ZNF217: variants seen among roughly 807,000 people sequenced by gnomAD.
ZNF217 encodes zinc finger protein 217.
ZNF217 carries 12 observed loss-of-function variants against 73.3 expected under a neutral mutation model. The observed-to-expected ratio is 0.16, with a 90% CI of 0.10 to 0.27. ZNF217 has a LOEUF of 0.27. Among genes scored for constraint, ZNF217 ranks in the 10% least tolerant of loss-of-function variants. The probability of loss-of-function intolerance (pLI) is 1.00; values close to 1 mark genes in which losing one functional copy is unlikely to be tolerated. For synonymous variants in ZNF217, 588 were observed against 516.4 expected (o/e 1.14, Z -1.88); for missense variants, 1,195 against 1,327.8 (o/e 0.90, Z 1.55).
At chr20:53,585,922 A>T (rs909671434) in intron 1 of ZNF217, among the ~76,000 whole-genome samples, 11 of 152,092 alleles carry the variant, frequency 7.2e-5, no homozygotes, top group African/African-American at 2.7e-4. Flanking sequence ...AGCTTCTGAG[A>T]CTGACTCTAA....
At chr20:53,588,260 A>G (rs559603663) in intron 1 of ZNF217, among the ~76,000 whole-genome samples, 2 of 152,270 alleles carry the variant, frequency 1.3e-5, no homozygotes, top group East Asian at 1.9e-4. Context: ...GTAAGAACTT[A>G]AAGTATAACA....
At chr20:53,573,128 T>C (rs1988088732) in intron 4 of ZNF217, among the ~76,000 whole-genome samples, 1 of 146,550 alleles carries the variant, frequency 6.8e-6, no homozygotes, top group South Asian at 2.1e-4. Flanking sequence ...TAGTACTATT[T>C]TTTTTTTTTT....
At chr20:53,596,872 C>T (rs954859853), upstream of ZNF217, among the ~76,000 whole-genome samples, 4 of 151,966 alleles carry the variant, frequency 2.6e-5, no homozygotes, top group Non-Finnish European at 5.9e-5. Flanking sequence ...CCCACTTCAC[C>T]TTCTTTCAAT....
rs749993388 is a variant in ZNF217 at position 53,581,904 on chromosome 20, G to A, written c.923C>T (p.Ala308Val). The change falls in exon 2 of 6, where the codon GCC becomes GTC. Residue 308 changes from alanine to valine, a missense_variant. Ala to Val is a moderately conservative substitution (Grantham distance 64). Coordinates refer to ENST00000371471, the MANE Select transcript of ZNF217 (RefSeq NM_006526.3). This position sits in a 1 kb window ranked among gnomAD's most constrained non-coding sequence, Gnocchi z 4.9. ...CGATTCCTTCACTTCTTGGCAAATGGCAACTTTTCCTTTGGTAGCCAGCTG... is the reference window on the plus strand; with the variant it reads ...CGATTCCTTCACTTCTTGGCAAATGACAACTTTTCCTTTGGTAGCCAGCTG... ...AWQLATKGKVAICQEVKESGQ... is the reference protein window; with the variant it reads ...AWQLATKGKVVICQEVKESGQ... 1.2e-6 allele frequency: 2 copies of A among 1,614,236 alleles called. No individual in the cohort carries two copies. Among genetic ancestry groups the A allele is most frequent in the Non-Finnish European group, 1.7e-6 (2 of 1,180,032 alleles).
Position 53,577,121 on chromosome 20 carries a change from G to A in ZNF217, c.1643C>T (p.Thr548Ile), listed in dbSNP as rs35720349. Reference protein sequence around the residue: ...KNQDTEDALLTADSAQTKNLK... With the variant: ...KNQDTEDALLIADSAQTKNLK... The stretch of plus-strand genomic sequence containing the variant: ...ATTTTTGGTTTGCGCACTGTCAGCG[G>A]TTAATAGTGCATCTTCAGTGTCCTG... Residue 548 changes from threonine to isoleucine, a missense_variant, in exon 4 of 6, where the codon ACC (threonine) becomes ATC (isoleucine). This residue lies in a region of ZNF217 where 649 missense variants were observed against 642.8 expected (regional missense o/e 1.01). Transcript: ENST00000371471. 25,075 of 1,614,184 alleles carry A rather than the reference G, an allele frequency of 0.016. 922 individuals carry two copies. The highest frequency in any genetic ancestry group is 0.13 in the East Asian group (6,052 of 44,888).
chr20:53,576,346 T>C lies in ZNF217; in HGVS notation c.2418A>G (p.Ser806=). 2 of 1,614,198 alleles carry C rather than the reference T, an allele frequency of 1.2e-6. No individual in the cohort carries two copies. Among genetic ancestry groups the C allele is most frequent in the South Asian group, 2.2e-5 (2 of 91,090 alleles). ...PPGPGKAPLT[S]GIDSSTLAPS... ...GGGCTAAAGTGCTAGAGTCTATCCCTGAAGTCAGAGGGGCCTTGCCTGGCC... is the reference window on the plus strand; with the variant it reads ...GGGCTAAAGTGCTAGAGTCTATCCCCGAAGTCAGAGGGGCCTTGCCTGGCC... Residue 806 remains serine, a synonymous_variant, in exon 4 of 6, where the codon TCA becomes TCG. Transcript: ENST00000371471.
At chr20:53,583,302 G>A in intron 1 of ZNF217, 134 bp from the exon 2 acceptor site, 1 of 394,160 alleles carries the variant, frequency 2.5e-6, no homozygotes, top group South Asian at 1.4e-4. Flanking sequence ...CTAATATATA[G>A]GGCATCCTGT....
intron 1 of ZNF217, among the ~76,000 whole-genome samples, chr20:53,593,209 C>A (rs1988944279): frequency 6.6e-6 from 1 of 151,996 alleles, no homozygotes; most frequent in South Asian, 2.1e-4. Flanking sequence ...CCCTTAGAGG[C>A]GCCCTCCGCC....
At chr20:53,583,230 T>TG (rs1988574260) in intron 1 of ZNF217, 62 bp from the exon 2 acceptor site, 1 of 404,840 alleles carries the variant, frequency 2.5e-6, no homozygotes, top group African/African-American at 2.1e-5. Flanking sequence ...CTGGTGTGGG[T>TG]GAGTCATACG....
intron 1 of ZNF217, among the ~76,000 whole-genome samples, chr20:53,591,668 G>T (rs2766677): frequency 6.6e-6 from 1 of 152,184 alleles, no homozygotes; most frequent in East Asian, 1.9e-4. Flanking sequence ...CTACCATTAA[G>T]GACACACCTT....
chr20:53,591,628 AAT>A (rs1988881581), intron 1 of ZNF217, among the ~76,000 whole-genome samples: 2 of 152,260 alleles, frequency 1.3e-5, no homozygotes, highest in African/African-American at 4.8e-5. Context: ...ATCTAAAATA[AAT>A]ATGACTTCCC....
At chr20:53,594,660 G>C (rs901720944), upstream of ZNF217, among the ~76,000 whole-genome samples, 5 of 152,106 alleles carry the variant, frequency 3.3e-5, no homozygotes, top group Admixed American at 3.3e-4. Context: ...GGGCCGCGAG[G>C]GTGTGCGCAG....
In ZNF217 at chr20:53,583,675, C is replaced by T. The variant is rs374334966; in HGVS notation, c.-342-507G>A. The stretch of plus-strand genomic sequence containing the variant: ...AAGAAATCTAAGTGCCCAAACACCC[C>T]CTTAGAGATTTTGCACATACAGAGG... On this transcript the variant is annotated intron_variant, in intron 1 of 5. Coordinates refer to ENST00000371471, the MANE Select transcript of ZNF217 (RefSeq NM_006526.3). 9.8e-5 allele frequency among the ~76,000 whole-genome samples: 15 copies of T among 152,300 alleles called. 1 individual carries two copies. The highest frequency in any genetic ancestry group is 1.9e-4 in the East Asian group (1 of 5,190).
At chr20:53,596,385 G>A (rs1387960292), upstream of ZNF217, among the ~76,000 whole-genome samples, 5 of 152,156 alleles carry the variant, frequency 3.3e-5, no homozygotes, top group African/African-American at 1.2e-4. Context: ...CCTTGTCCTG[G>A]AGTCGTGCCA....
intron 2 of ZNF217, among the ~76,000 whole-genome samples, chr20:53,580,173 G>A (rs1295259320): frequency 6.6e-6 from 1 of 152,162 alleles, no homozygotes; most frequent in Non-Finnish European, 1.5e-5. Flanking sequence ...CTAAAGATTT[G>A]ATATACAGAC....
At position 53,576,365 on chromosome 20, in the gene ZNF217, C is replaced by T. The variant is rs1253190257; in HGVS notation, c.2399G>A (p.Gly800Asp). The stretch of plus-strand genomic sequence containing the variant: ...TATCCCTGAAGTCAGAGGGGCCTTG[C>T]CTGGCCCAGGAGGGCTCTGCTTCCC... ...AKGKQSPPGP[G>D]KAPLTSGIDS... Residue 800 changes from glycine to aspartate, a missense_variant, in exon 4 of 6, where the codon GGC becomes GAC. Transcript: ENST00000371471. The T allele has an allele frequency of 6.2e-7, 1 of 1,614,028 alleles. No individual in the cohort carries two copies. The highest frequency in any genetic ancestry group is 1.3e-5 in the African/African-American group (1 of 74,918).
intron 4 of ZNF217, 200 bp downstream of exon 4, chr20:53,575,527 G>A: frequency 3.6e-6 from 2 of 553,130 alleles, no homozygotes; most frequent in Non-Finnish European, 6.4e-6. Context: ...AGGGTTAAGA[G>A]TTAAACCCAC....
chr20:53,582,211 G>A lies in ZNF217; in HGVS notation c.616C>T (p.His206Tyr). Residue 206 changes from histidine (H) to tyrosine (Y), a missense_variant, in exon 2 of 6, where the codon CAC (histidine) becomes TAC (tyrosine). His to Tyr is a moderately conservative substitution (Grantham distance 83). Coordinates refer to ENST00000371471, the MANE Select transcript of ZNF217 (RefSeq NM_006526.3). This position sits in a 1 kb window ranked among gnomAD's most constrained non-coding sequence, Gnocchi z 4.8. Reference protein sequence around the residue: ...PATINEVVQVHAAESISSPYK... With the variant: ...PATINEVVQVYAAESISSPYK... ...GGAGAGGAGATGCTCTCGGCCGCGT[G>A]CACCTGGACGACCTCGTTGATCGTT... 1 of 1,614,036 alleles carries A rather than the reference G, an allele frequency of 6.2e-7. No individual in the cohort carries two copies. Among genetic ancestry groups the A allele is most frequent in the Non-Finnish European group, 8.5e-7 (1 of 1,180,046 alleles).
upstream of ZNF217, among the ~76,000 whole-genome samples, chr20:53,595,649 T>TA (rs1335931120): frequency 6.6e-6 from 1 of 152,250 alleles, no homozygotes; most frequent in African/African-American, 2.4e-5. Context: ...AGGCCAGCAC[T>TA]AAAAAACTAA....
Sources: gnomAD v4.1 joint callset for allele counts (sites outside exome capture counted in the v4.1 genomes callset) on GRCh38, gnomAD v4.1.1 for gene constraint, gnomAD v4.1.1 regional missense constraint, Gnocchi (gnomAD v3.1) non-coding constraint, MANE v1.5 for transcripts, NCBI Gene and HGNC (gene_info 2026-07-23, HGNC 2026-07-21) for gene names.